The following COBLL1 variants were observed in gnomAD, a reference collection of about 807,000 sequenced individuals.
The protein encoded by COBLL1 is cordon-bleu protein-like 1.
COBLL1 carries 50 observed loss-of-function variants against 94.8 expected under a neutral mutation model. The ratio of observed to expected loss-of-function variants is 0.53; its 90% CI spans 0.42 to 0.67. COBLL1 has a LOEUF of 0.67. Among genes scored for constraint, COBLL1 ranks in the 30% least tolerant of loss-of-function variants. The pLI is 0.00. For synonymous variants in COBLL1, 448 were observed against 473.8 expected (o/e 0.95, Z 0.71); for missense variants, 1,362 against 1,348.7 (o/e 1.01, Z -0.15).
rs944787090 is a variant in COBLL1 at position 164,685,750 on chromosome 2, A to G, written c.*196T>C. 8 of 386,436 alleles carry G rather than the reference A, an allele frequency of 2.1e-5. No individual in the cohort carries two copies. Among genetic ancestry groups the G allele is most frequent in the Middle Eastern group, 1.3e-3 (2 of 1,512 alleles). The allele number at this position is 386,436 out of a possible 1,614,324, so 23.9% of individuals were successfully genotyped here. On this transcript the variant is annotated 3_prime_UTR_variant, in exon 14 of 14. Transcript: ENST00000652658. ...GCAGCATATTCAACTCTTAAGGCAA[A>G]AAAAAGATCAAAAAATTACTATAAA...
chr2:164,665,690 GTTGT>G (rs746391930), intron 2 of COBLL1, among the ~76,000 whole-genome samples: 3 of 152,162 alleles, frequency 2.0e-5, no homozygotes, highest in Admixed American at 2.0e-4. Flanking sequence ...TAATTCAAAT[GTTGT>G]TTGAGAAATG....
intron 2 of COBLL1, among the ~76,000 whole-genome samples, chr2:164,820,062 G>T (rs955701214): frequency 6.7e-6 from 1 of 150,096 alleles, no homozygotes; most frequent in Non-Finnish European, 1.5e-5. Flanking sequence ...TCGAACTCCT[G>T]ACCTCAGGTG....
chr2:164,729,636 A>G (rs1398480808), intron 4 of COBLL1, among the ~76,000 whole-genome samples: 1 of 152,188 alleles, frequency 6.6e-6, no homozygotes, highest in Non-Finnish European at 1.5e-5. Flanking sequence ...TCCTTTACAT[A>G]TACTTTTTAA....
At chr2:164,738,458 C>T (rs191266337) in intron 3 of COBLL1, among the ~76,000 whole-genome samples, 3 of 152,136 alleles carry the variant, frequency 2.0e-5, no homozygotes, top group Non-Finnish European at 4.4e-5. Context: ...AGTCTATAAG[C>T]TCACTTTCAT....
intron 2 of COBLL1, among the ~76,000 whole-genome samples, chr2:164,750,310 C>G (rs1010418149): frequency 1.3e-5 from 2 of 152,106 alleles, no homozygotes; most frequent in South Asian, 2.1e-4. Context: ...TATATTATTC[C>G]CCATCTCTAC....
rs73968222 is a variant in COBLL1 at position 164,686,511 on chromosome 2, C to G, written c.3301-479G>C. Among the ~76,000 whole-genome samples, 433 of 152,050 alleles carry G rather than the reference C, an allele frequency of 2.8e-3. 2 individuals carry two copies. Among genetic ancestry groups the G allele is most frequent in the African/African-American group, 9.9e-3 (412 of 41,500 alleles). On this transcript the variant is annotated intron_variant, in intron 13 of 13. Transcript: ENST00000652658. ...ATTTATTCAAAACAAAAAAACTAGC[C>G]CTTGGTTTTAAAAATGCTTTCATAT...
At chr2:164,669,116 A>G (rs757852469) in intron 1 of COBLL1, among the ~76,000 whole-genome samples, 19 of 152,136 alleles carry the variant, frequency 1.2e-4, no homozygotes, top group Non-Finnish European at 2.1e-4. Context: ...GTTTTTAGAT[A>G]CTTTTGTTCT....
chr2:164,689,282 A>AT (rs1012026792), intron 13 of COBLL1, among the ~76,000 whole-genome samples: 33 of 152,270 alleles, frequency 2.2e-4, no homozygotes, highest in African/African-American at 6.7e-4. Context: ...AACCAGAGCC[A>AT]TAAGACAAGT....
intron 2 of COBLL1, among the ~76,000 whole-genome samples, chr2:164,822,750 T>TATC: frequency 9.5e-6 from 1 of 105,094 alleles, no homozygotes; most frequent in South Asian, 2.4e-4. Flanking sequence ...TTATTATTAT[T>TATC]ATTATTATTA....
At chr2:164,699,542 AACACACACAT>A (rs1427985617) in intron 10 of COBLL1, 43 bp from the exon 11 acceptor site, 1 of 1,134,720 alleles carries the variant, frequency 8.8e-7, no homozygotes, top group Non-Finnish European at 1.3e-6. Flanking sequence ...ATACTATTGA[AACACACACAT>A]ACACACACAC....
chr2:164,710,484 A>G (rs931915556), intron 7 of COBLL1, among the ~76,000 whole-genome samples: 7 of 152,172 alleles, frequency 4.6e-5, no homozygotes, highest in African/African-American at 1.7e-4. Context: ...AGTAATACAC[A>G]TCATGAATTT....
Position 164,755,397 on chromosome 2 carries a change from T to C in COBLL1, c.42-11522A>G, listed in dbSNP as rs149762863. Among the ~76,000 whole-genome samples the C allele has an allele frequency of 1.3e-4, 20 of 152,296 alleles. 2 individuals are homozygous for C. The East Asian group carries it at 2.5e-3, about 19-fold the overall frequency. On this transcript the variant is annotated intron_variant, in intron 2 of 13. Transcript: ENST00000652658. ...AATTTTGCCATTTTTGATTAGTACA[T>C]TACCTTCTGCATAGTATGTTCAATT...
chr2:164,755,739 A>T (rs1459978962), intron 2 of COBLL1, among the ~76,000 whole-genome samples: 2 of 152,210 alleles, frequency 1.3e-5, no homozygotes, highest in South Asian at 2.1e-4. Flanking sequence ...TCGCAACTCA[A>T]AAGCTGTTAT....
upstream of COBLL1, chr2:164,841,954 C>T (rs1398447515): frequency 6.5e-7 from 1 of 1,537,174 alleles, no homozygotes; most frequent in African/African-American, 1.4e-5. This position sits in a 1 kb window ranked among gnomAD's most constrained non-coding sequence, Gnocchi z 5.5. Context: ...CTCTCTCACT[C>T]ACCCTGCCCC....
rs149450117 is a variant in COBLL1, at chr2:164,839,004, T to C, written c.41+2152A>G. Among the ~76,000 whole-genome samples the C allele has an allele frequency of 5.3e-3, 806 of 152,300 alleles. 1 individual carries two copies. The highest frequency in any genetic ancestry group is 0.019 in the African/African-American group (773 of 41,560). ...TATTAAATATTCAACAAATCTTATA[T>C]GACAGGCATTCGGAATATGCCAAAG... On this transcript the variant is annotated intron_variant, in intron 2 of 13. Transcript: ENST00000652658.
rs1157011318 is a variant in COBLL1 at position 164,694,654 on chromosome 2, T to C, written c.2738A>G (p.Glu913Gly). The part of the protein sequence containing the change: ...EAERDMLPSP[E>G]QTLSPLSKMP... The stretch of plus-strand genomic sequence containing the variant: ...TTTACTTAAGGGAGAAAGAGTCTGC[T>C]CCGGAGAAGGCAGCATATCCCTTTC... The change falls in exon 12 of 14, where the codon GAG (glutamate) becomes GGG (glycine). Residue 913 changes from glutamate to glycine, a missense_variant. Glu to Gly is a moderately conservative substitution (Grantham distance 98). Transcript: ENST00000652658. 1 of 1,613,738 alleles carries C rather than the reference T, an allele frequency of 6.2e-7. No individual in the cohort carries two copies. The highest frequency in any genetic ancestry group is 8.5e-7 in the Non-Finnish European group (1 of 1,179,912).
chr2:164,701,906 G>A (rs1316296683), intron 9 of COBLL1, among the ~76,000 whole-genome samples: 13 of 145,774 alleles, frequency 8.9e-5, no homozygotes, highest in Non-Finnish European at 2.0e-4. Flanking sequence ...AGGGGGGGGC[G>A]GGGTGGGGAG....
chr2:164,722,997 T>G (rs1270094315), intron 5 of COBLL1: 1 of 152,374 alleles, frequency 6.6e-6, no homozygotes, highest in East Asian at 1.9e-4. Context: ...CTTTGTTAAA[T>G]GTTTCATAAA....
At chr2:164,700,050 T>G (rs547542987) in intron 10 of COBLL1, among the ~76,000 whole-genome samples, 2 of 152,200 alleles carry the variant, frequency 1.3e-5, no homozygotes, top group Middle Eastern at 6.8e-3. Flanking sequence ...ACTATAGCTG[T>G]CTGTTTCTAG....
Sources: allele counts gnomAD v4.1 joint callset (sites outside exome capture counted in the v4.1 genomes callset), GRCh38; gene constraint gnomAD v4.1.1; non-coding constraint Gnocchi (gnomAD v3.1); transcripts MANE v1.5; gene names NCBI Gene and HGNC (gene_info 2026-07-23, HGNC 2026-07-21).